Variants in DAAM1 observed in about 807,000 individuals in gnomAD.
DAAM1 encodes the protein disheveled-associated activator of morphogenesis 1.
In DAAM1, 52 loss-of-function variants were observed where a neutral mutation model predicts 130.0. The ratio of observed to expected loss-of-function variants is 0.40; its 90% CI spans 0.32 to 0.50. DAAM1 has a LOEUF of 0.50. Ranked by LOEUF, DAAM1 falls within the 20% of genes least tolerant of loss-of-function variation. The pLI, the probability that DAAM1 is intolerant of heterozygous loss-of-function variation, is 0.61. For missense variants in DAAM1, 1,134 were observed against 1,303.8 expected (o/e 0.87, Z 2.01); for synonymous variants, 452 against 444.5 (o/e 1.02, Z -0.21).
In DAAM1 at chr14:59,323,026, C is replaced by T; in HGVS notation, c.575C>T (p.Ser192Phe). The change falls in exon 6 of 25, where the codon TCT becomes TTT. Residue 192 changes from serine (S) to phenylalanine (F), a missense_variant. By Grantham distance (155) the Ser-to-Phe change is radical. This residue lies in a region of DAAM1 where 391 missense variants were observed against 521.6 expected (regional missense o/e 0.75). Transcript: ENST00000360909. Reference protein sequence around the residue: ...IGCIKALMNNSQGRAHVLAHS... With the variant: ...IGCIKALMNNFQGRAHVLAHS... ...TGTATAAAGGCGTTAATGAACAACT[C>T]TCAAGGCCGGGCTCACGTCCTGGCT... 6.2e-7 allele frequency: 1 copy of T among 1,614,130 alleles called. No individual in the cohort carries two copies. The highest frequency in any genetic ancestry group is 8.5e-7 in the Non-Finnish European group (1 of 1,180,020).
intron 1 of DAAM1, among the ~76,000 whole-genome samples, chr14:59,222,104 T>G (rs1489170834): frequency 1.3e-5 from 2 of 152,222 alleles, no homozygotes; most frequent in Non-Finnish European, 2.9e-5. Flanking sequence ...TTCAGAAGGT[T>G]GTTCCATTGT....
At chr14:59,281,786 T>C (rs1213163631) in intron 2 of DAAM1, among the ~76,000 whole-genome samples, 1 of 152,192 alleles carries the variant, frequency 6.6e-6, no homozygotes, top group African/African-American at 2.4e-5. Context: ...ATTGATCTTG[T>C]AAGGCTGTGA....
chr14:59,269,464 G>T (rs1232127027), intron 2 of DAAM1, among the ~76,000 whole-genome samples: 7 of 152,218 alleles, frequency 4.6e-5, no homozygotes, highest in African/African-American at 1.7e-4. Context: ...CTGCCCCTGT[G>T]GGACAGTGGA....
chr14:59,209,077 T>C (rs1030341742), intron 1 of DAAM1, among the ~76,000 whole-genome samples: 2 of 152,196 alleles, frequency 1.3e-5, no homozygotes, highest in Admixed American at 6.5e-5. Context: ...ACACAAAAAG[T>C]CCCAATACAG....
chr14:59,302,327 AGT>A (rs1884205240), intron 3 of DAAM1, among the ~76,000 whole-genome samples: 2 of 152,340 alleles, frequency 1.3e-5, no homozygotes, highest in South Asian at 4.1e-4. Flanking sequence ...AACAAAAATA[AGT>A]TAGCAATATA....
chr14:59,297,518 T>C (rs1269052428), intron 3 of DAAM1, among the ~76,000 whole-genome samples: 1 of 152,178 alleles, frequency 6.6e-6, no homozygotes, highest in African/African-American at 2.4e-5. Context: ...TGAAAAGTCA[T>C]GTTTCTAAAG....
rs1475903202 is a variant in DAAM1 at position 59,201,126 on chromosome 14, A to T, written c.-38+12358A>T. 7.2e-5 allele frequency among the ~76,000 whole-genome samples: 10 copies of T among 138,942 alleles called. No homozygotes were observed. The Admixed American group carries it at 8.1e-4, about 11-fold the overall frequency. 91.2% of individuals were successfully genotyped at this position (138,942 alleles called of 152,430 possible). ...CAGTGAGCGGAGGTTGTGACACTGC[A>T]CTCCAGCCTGGGCGACAGAGTGAGA... On this transcript the variant is annotated intron_variant, in intron 1 of 24. Transcript: ENST00000360909.
chr14:59,281,057 G>A (rs779917500), intron 2 of DAAM1, among the ~76,000 whole-genome samples: 3 of 151,910 alleles, frequency 2.0e-5, no homozygotes, highest in Non-Finnish European at 4.4e-5. Context: ...CTTACTGTCT[G>A]TCCCAAGACA....
intron 15 of DAAM1, among the ~76,000 whole-genome samples, chr14:59,335,157 C>A (rs1177885795): frequency 6.6e-6 from 1 of 152,152 alleles, no homozygotes; most frequent in African/African-American, 2.4e-5. Flanking sequence ...GGTTTTTACT[C>A]ATTATAAATG....
intron 1 of DAAM1, among the ~76,000 whole-genome samples, chr14:59,193,213 C>A (rs1887785542): frequency 6.6e-6 from 1 of 152,148 alleles, no homozygotes; most frequent in Non-Finnish European, 1.5e-5. Context: ...GTGGATGATA[C>A]CCCTCTTGAA....
Position 59,368,670 on chromosome 14 carries a change from G to T in DAAM1, c.3018G>T (p.Arg1006Ser), listed in dbSNP as rs376120007. 2.5e-6 allele frequency: 4 copies of T among 1,613,090 alleles called. No homozygotes were observed. The African/African-American group carries it at 5.3e-5, about 22-fold the overall frequency. Residue 1006 changes from arginine to serine, a missense_variant, in exon 25 of 25, where the codon AGG becomes AGT. This residue lies in a region of DAAM1 where 644 missense variants were observed against 695.9 expected (regional missense o/e 0.93). Coordinates refer to ENST00000360909, the MANE Select transcript of DAAM1 (RefSeq NM_001270520.2). Reference protein sequence around the residue: ...MEAQLKEQRERERKMRKAKEN... With the variant: ...MEAQLKEQRESERKMRKAKEN... ...TGCAGCTCAAAGAACAACGTGAAAG[G>T]GAACGTAAAATGAGAAAAGCTAAAG...
chr14:59,342,270 T>A (rs1885879222), intron 16 of DAAM1, among the ~76,000 whole-genome samples: 1 of 152,212 alleles, frequency 6.6e-6, no homozygotes, highest in Non-Finnish European at 1.5e-5. Context: ...TTTGACCTGC[T>A]GGCCATTGGG....
intron 1 of DAAM1, among the ~76,000 whole-genome samples, chr14:59,206,495 T>A (rs150636975): frequency 1.3e-5 from 2 of 152,102 alleles, no homozygotes; most frequent in South Asian, 4.1e-4. Flanking sequence ...CAGGATGGTC[T>A]TGATCTCCTA....
intron 1 of DAAM1, among the ~76,000 whole-genome samples, chr14:59,190,070 A>T (rs551510570): frequency 6.6e-6 from 1 of 152,220 alleles, no homozygotes; most frequent in African/African-American, 2.4e-5. Context: ...AGCCGCTGCC[A>T]CTGCTGTTTC....
At chr14:59,259,596 G>T (rs1882073486) in intron 1 of DAAM1, among the ~76,000 whole-genome samples, 1 of 152,190 alleles carries the variant, frequency 6.6e-6, no homozygotes, top group Non-Finnish European at 1.5e-5. Flanking sequence ...GATAAGATAT[G>T]GGACACTGGC....
intron 1 of DAAM1, among the ~76,000 whole-genome samples, chr14:59,240,325 G>A (rs993153163): frequency 1.3e-4 from 20 of 152,104 alleles, no homozygotes; most frequent in Non-Finnish European, 2.4e-4. Flanking sequence ...CTTGCTGAAG[G>A]TCCCACATAG....
At chr14:59,314,286 G>A (rs1340236128) in intron 3 of DAAM1, among the ~76,000 whole-genome samples, 1 of 152,176 alleles carries the variant, frequency 6.6e-6, no homozygotes, top group African/African-American at 2.4e-5. Flanking sequence ...CTCCACTAGG[G>A]TGGGATATCC....
At chr14:59,345,659 G>A (rs1166431919) in intron 16 of DAAM1, among the ~76,000 whole-genome samples, 1 of 152,180 alleles carries the variant, frequency 6.6e-6, no homozygotes, top group Non-Finnish European at 1.5e-5. Context: ...CTTCTTTGCT[G>A]CCTTTGAGTG....
chr14:59,221,122 A>G (rs1056191953), intron 1 of DAAM1, among the ~76,000 whole-genome samples: 4 of 152,216 alleles, frequency 2.6e-5, no homozygotes, highest in African/African-American at 9.7e-5. Context: ...TCAAGGTACA[A>G]TGATCCTGTG....
Sources: allele counts gnomAD v4.1 joint callset (sites outside exome capture counted in the v4.1 genomes callset), GRCh38; gene constraint gnomAD v4.1.1; regional missense constraint gnomAD v4.1.1; transcripts MANE v1.5; gene names NCBI Gene and HGNC (gene_info 2026-07-23, HGNC 2026-07-21).